Variants in ADAM12 observed in about 807,000 individuals in gnomAD.
ADAM12 encodes the protein disintegrin and metalloproteinase domain-containing protein 12.
In ADAM12, 70 loss-of-function variants were observed where a neutral mutation model predicts 106.4. The observed-to-expected ratio is 0.66, with a 90% CI of 0.54 to 0.80. ADAM12 has a LOEUF of 0.80. Ranked by LOEUF, ADAM12 falls within the 30% of genes least tolerant of loss-of-function variation. The pLI is 0.00. For missense variants in ADAM12, 1,010 were observed against 1,171.9 expected (o/e 0.86, Z 2.02); for synonymous variants, 420 against 433.5 (o/e 0.97, Z 0.39).
chr10:126,158,290 GGA>G (rs139027276), intron 3 of ADAM12, among the ~76,000 whole-genome samples: 1 of 30,716 alleles, frequency 3.3e-5, no homozygotes, highest in South Asian at 1.5e-3. Flanking sequence ...CAGAGCACCG[GGA>G]GAGGAGGCAC....
intron 11 of ADAM12, among the ~76,000 whole-genome samples, chr10:126,074,282 G>C (rs1421005654): frequency 6.6e-6 from 1 of 152,158 alleles, no homozygotes; most frequent in Non-Finnish European, 1.5e-5. Flanking sequence ...GAAAAGAGTG[G>C]TCTGAATTGG....
chr10:126,102,707 T>C (rs1955690355), intron 8 of ADAM12, among the ~76,000 whole-genome samples: 1 of 152,204 alleles, frequency 6.6e-6, no homozygotes, highest in Non-Finnish European at 1.5e-5. Flanking sequence ...ATTAATGAGT[T>C]AACGAGACGA....
At chr10:126,342,846 G>A (rs564173774) in intron 1 of ADAM12, among the ~76,000 whole-genome samples, 14 of 151,876 alleles carry the variant, frequency 9.2e-5, no homozygotes, top group Admixed American at 7.2e-4. Context: ...TTCTCCTTTC[G>A]GCGTCTGATC....
At chr10:126,278,570 A>G (rs190235784) in intron 3 of ADAM12, among the ~76,000 whole-genome samples, 1 of 152,186 alleles carries the variant, frequency 6.6e-6, no homozygotes, top group Non-Finnish European at 1.5e-5. Context: ...TTCCCCTAAT[A>G]TAATCCAGGA....
chr10:126,364,420 A>G, intron 1 of ADAM12, among the ~76,000 whole-genome samples: 1 of 152,204 alleles, frequency 6.6e-6, no homozygotes, highest in East Asian at 1.9e-4. Context: ...GAAACCCAAG[A>G]AAGTCAACTG....
At chr10:126,234,287 T>C (rs967666897) in intron 3 of ADAM12, among the ~76,000 whole-genome samples, 1 of 152,206 alleles carries the variant, frequency 6.6e-6, no homozygotes, top group African/African-American at 2.4e-5. Flanking sequence ...GCTGCATTTG[T>C]AATAAGAAAA....
intron 14 of ADAM12, among the ~76,000 whole-genome samples, chr10:126,061,700 G>T (rs1394897905): frequency 1.3e-5 from 2 of 152,192 alleles, no homozygotes; most frequent in African/African-American, 4.8e-5. Flanking sequence ...TGGCCTCGAA[G>T]ATGGAGGAAG....
At chr10:126,377,526 C>A (rs1330686591) in intron 1 of ADAM12, among the ~76,000 whole-genome samples, 2 of 152,038 alleles carry the variant, frequency 1.3e-5, no homozygotes, top group East Asian at 3.9e-4. Context: ...TGAAGCCCAT[C>A]CAGATTAAGG....
At chr10:126,387,209 G>C (rs958593894) in intron 1 of ADAM12, among the ~76,000 whole-genome samples, 3 of 152,222 alleles carry the variant, frequency 2.0e-5, no homozygotes, top group Non-Finnish European at 4.4e-5. Flanking sequence ...GCGGAGACCC[G>C]GGGAAGTTGC....
intron 3 of ADAM12, among the ~76,000 whole-genome samples, chr10:126,157,112 T>A (rs1045506736): frequency 3.3e-5 from 5 of 152,178 alleles, no homozygotes; most frequent in Non-Finnish European, 7.3e-5. Flanking sequence ...CCCTACAGCA[T>A]GTTGAGCTGG....
intron 17 of ADAM12, among the ~76,000 whole-genome samples, chr10:126,045,766 C>T (rs148366267): frequency 9.8e-5 from 15 of 152,342 alleles, no homozygotes; most frequent in Non-Finnish European, 1.9e-4. Flanking sequence ...TATTTTGAAA[C>T]TCTTCATGAA....
intron 3 of ADAM12, among the ~76,000 whole-genome samples, chr10:126,243,730 G>T (rs143268057): frequency 6.6e-6 from 1 of 152,080 alleles, no homozygotes; most frequent in African/African-American, 2.4e-5. Flanking sequence ...GTGTTTATAC[G>T]CAACTATCTA....
intron 1 of ADAM12, among the ~76,000 whole-genome samples, chr10:126,365,429 G>A (rs2133910522): frequency 6.6e-6 from 1 of 152,250 alleles, no homozygotes; most frequent in East Asian, 1.9e-4. Flanking sequence ...AACAGGCCAG[G>A]AAGAACATAA....
chr10:126,184,982 C>A (rs1957375023), intron 3 of ADAM12, among the ~76,000 whole-genome samples: 1 of 152,226 alleles, frequency 6.6e-6, no homozygotes, highest in Non-Finnish European at 1.5e-5. Flanking sequence ...ACCAAGCCAA[C>A]ATGGCACCCT....
chr10:126,095,294 C>T (rs995742764), intron 10 of ADAM12, among the ~76,000 whole-genome samples: 4 of 151,816 alleles, frequency 2.6e-5, no homozygotes, highest in Non-Finnish European at 5.9e-5. Flanking sequence ...CAGCACTTTG[C>T]GAGGCTGAGG....
At chr10:126,300,140 T>C (rs1021905892) in intron 2 of ADAM12, among the ~76,000 whole-genome samples, 1 of 152,228 alleles carries the variant, frequency 6.6e-6, no homozygotes, top group Non-Finnish European at 1.5e-5. Flanking sequence ...AGAATCCCAC[T>C]GGAATTTTCA....
chr10:126,256,495 C>A lies in ADAM12; in HGVS notation c.260+22420G>T, dbSNP rs145958883. On this transcript the variant is annotated intron_variant, in intron 3 of 22. Transcript: ENST00000448723. ...CATTCCCTCTGCATTGATAGAGGTT[C>A]TACTACCTTGAGCCGTCGCTGTGTG... is the stretch of plus-strand genomic sequence containing the variant. Among the ~76,000 whole-genome samples, 89 of 152,282 alleles carry A rather than the reference C, an allele frequency of 5.8e-4. No individual in the cohort carries two copies. In the South Asian group the frequency reaches 6.2e-3, roughly 11 times the overall value.
rs568444874 is a variant in ADAM12 at position 126,246,449 on chromosome 10, C to G, written c.260+32466G>C. Among the ~76,000 whole-genome samples the G allele has an allele frequency of 8.5e-5, 13 of 152,260 alleles. 1 individual carries two copies. In the South Asian group the frequency reaches 2.5e-3, roughly 29 times the overall value. ...ACAACAAAAAAAGAAAACTTCAGGC[C>G]AATATCCTTGATGAACATCAATGCA... On this transcript the variant is annotated intron_variant, in intron 3 of 22. Coordinates refer to ENST00000448723, the MANE Select transcript of ADAM12 (RefSeq NM_001288973.2).
chr10:126,029,206 C>A (rs533481805), intron 21 of ADAM12, among the ~76,000 whole-genome samples: 21 of 152,240 alleles, frequency 1.4e-4, no homozygotes, highest in African/African-American at 5.1e-4. Flanking sequence ...AAAGACCTAG[C>A]AGCAGAGATG....
Sources: allele counts gnomAD v4.1 joint callset (sites outside exome capture counted in the v4.1 genomes callset), GRCh38; gene constraint gnomAD v4.1.1; transcripts MANE v1.5; gene names NCBI Gene and HGNC (gene_info 2026-07-23, HGNC 2026-07-21).